Variants in TENM4 observed in about 807,000 individuals in gnomAD.
TENM4 encodes teneurin transmembrane protein 4.
In TENM4, 82 loss-of-function variants were observed where a neutral mutation model predicts 243.3. The ratio of observed to expected loss-of-function variants is 0.34; its 90% confidence interval spans 0.28 to 0.40. The LOEUF (loss-of-function observed/expected upper bound fraction) is 0.40. TENM4 is among the 10% of genes least tolerant of loss of function. TENM4 has a pLI of 1.00. For synonymous variants in TENM4, 1,412 were observed against 1,456.3 expected (o/e 0.97, Z 0.69); for missense variants, 3,138 against 3,673.3 (o/e 0.85, Z 3.77).
chr11:79,165,069 T>C (rs1565231741), intron 3 of TENM4, among the ~76,000 whole-genome samples: 1 of 152,000 alleles, frequency 6.6e-6, no homozygotes, highest in South Asian at 2.1e-4. Context: ...TGGTTTCATA[T>C]TTTTGAAATT....
intron 6 of TENM4, among the ~76,000 whole-genome samples, chr11:79,023,681 A>G (rs558746766): frequency 6.6e-6 from 1 of 152,344 alleles, no homozygotes; most frequent in South Asian, 2.1e-4. Context: ...TTAATGTGGC[A>G]GTAAAAAGCT....
intron 21 of TENM4, among the ~76,000 whole-genome samples, chr11:78,730,536 C>CGG (rs534446434): frequency 4.5e-4 from 68 of 152,204 alleles, no homozygotes; most frequent in Non-Finnish European, 6.5e-4. Context: ...GGCTATGACC[C>CGG]GGGGAACGCT....
At chr11:79,183,569 A>G (rs1045879016) in intron 3 of TENM4, among the ~76,000 whole-genome samples, 3 of 152,220 alleles carry the variant, frequency 2.0e-5, no homozygotes, top group Non-Finnish European at 2.9e-5. Context: ...TGATGTGTCA[A>G]TGTAGGTTCA....
At chr11:79,325,777 T>A (rs1322948752) in intron 1 of TENM4, among the ~76,000 whole-genome samples, 2 of 152,114 alleles carry the variant, frequency 1.3e-5, no homozygotes, top group Non-Finnish European at 2.9e-5. Context: ...ATTCACCAGA[T>A]CTCTATCATG....
At chr11:79,100,694 C>G (rs1249198592) in intron 4 of TENM4, among the ~76,000 whole-genome samples, 1 of 152,152 alleles carries the variant, frequency 6.6e-6, no homozygotes, top group African/African-American at 2.4e-5. Context: ...GCCAGTCCCC[C>G]TCCAGTTTAG....
At chr11:78,705,856 G>A (rs944312574) in intron 27 of TENM4, among the ~76,000 whole-genome samples, 1 of 152,138 alleles carries the variant, frequency 6.6e-6, no homozygotes, top group African/African-American at 2.4e-5. Context: ...TATCTAAAAG[G>A]GGATAACACA....
chr11:78,755,510 G>T (rs1251874019), intron 19 of TENM4, among the ~76,000 whole-genome samples: 1 of 152,106 alleles, frequency 6.6e-6, no homozygotes, highest in African/African-American at 2.4e-5. Flanking sequence ...TCAACTGCTT[G>T]TTCATTGATG....
intron 6 of TENM4, among the ~76,000 whole-genome samples, chr11:79,046,858 C>T (rs773333217): frequency 6.6e-6 from 1 of 152,062 alleles, no homozygotes; most frequent in Admixed American, 6.6e-5. Flanking sequence ...GTGACAGCAC[C>T]CTAGGAAATG....
chr11:79,138,349 AAATATAT>A (rs1402600643), intron 4 of TENM4, among the ~76,000 whole-genome samples: 2 of 124,102 alleles, frequency 1.6e-5, no homozygotes, highest in Non-Finnish European at 3.2e-5. Context: ...TAATATATAA[AAATATAT>A]AATATATAAT....
At chr11:79,216,244 G>A (rs1864049086) in intron 2 of TENM4, among the ~76,000 whole-genome samples, 1 of 152,228 alleles carries the variant, frequency 6.6e-6, no homozygotes, top group Non-Finnish European at 1.5e-5. Context: ...GACAGGGACT[G>A]AAGATCTGCC....
At chr11:78,782,195 G>A (rs1167921186) in intron 16 of TENM4, among the ~76,000 whole-genome samples, 2 of 151,984 alleles carry the variant, frequency 1.3e-5, no homozygotes, top group Non-Finnish European at 2.9e-5. Flanking sequence ...GTGGTGGCTC[G>A]TGCCTGTAGT....
At chr11:79,416,396 T>A (rs1419250747) in intron 1 of TENM4, among the ~76,000 whole-genome samples, 1 of 152,230 alleles carries the variant, frequency 6.6e-6, no homozygotes, top group Non-Finnish European at 1.5e-5. Flanking sequence ...TCAGTCTTTT[T>A]AATTTTAGAC....
intron 3 of TENM4, among the ~76,000 whole-genome samples, chr11:79,168,957 C>A (rs943095488): frequency 1.3e-5 from 2 of 152,338 alleles, no homozygotes; most frequent in Middle Eastern, 3.4e-3. Flanking sequence ...CCCACCCACG[C>A]CATCTCAGTC....
intron 15 of TENM4, among the ~76,000 whole-genome samples, chr11:78,802,288 C>T (rs193116035): frequency 2.6e-5 from 4 of 152,238 alleles, no homozygotes; most frequent in Admixed American, 6.5e-5. Flanking sequence ...CATACCAAAA[C>T]GATGTACTTT....
chr11:79,170,433 C>T (rs1591330483), intron 3 of TENM4, among the ~76,000 whole-genome samples: 1 of 152,110 alleles, frequency 6.6e-6, no homozygotes, highest in East Asian at 1.9e-4. Flanking sequence ...ACCCCTAGTA[C>T]CTTAGAATGT....
At chr11:79,250,843 C>T (rs1210103262) in intron 2 of TENM4, among the ~76,000 whole-genome samples, 2 of 152,174 alleles carry the variant, frequency 1.3e-5, no homozygotes, top group Admixed American at 1.3e-4. Flanking sequence ...TCTGGCTATA[C>T]AATTACTTCA....
intron 1 of TENM4, among the ~76,000 whole-genome samples, chr11:79,360,223 G>C (rs1857567926): frequency 6.6e-6 from 1 of 152,140 alleles, no homozygotes; most frequent in South Asian, 2.1e-4. Context: ...CCAAATCCCA[G>C]TTTCTCATAC....
chr11:78,978,380 G>GAAAAT (rs1204823967), intron 6 of TENM4, among the ~76,000 whole-genome samples: 1 of 151,686 alleles, frequency 6.6e-6, no homozygotes, highest in African/African-American at 2.4e-5. Context: ...GAAAAGAAAA[G>GAAAAT]AAAAGAAAAG....
In TENM4 at chr11:78,990,453, A is replaced by G. The variant is rs966614920; in HGVS notation, c.493+74285T>C. On this transcript the variant is annotated intron_variant, in intron 6 of 33. Transcript: ENST00000278550. The stretch of plus-strand genomic sequence containing the variant: ...TCTCCATGGCAGCGCTGTTTGAAAC[A>G]GGGAAGACAGAAAACCCCGGGGCAC... Among the ~76,000 whole-genome samples, 3 of 152,182 alleles carry G rather than the reference A, an allele frequency of 2.0e-5. No individual in the cohort carries two copies. The East Asian group carries it at 5.8e-4, about 29-fold the overall frequency.
Sources: gnomAD v4.1 joint callset for allele counts (sites outside exome capture counted in the v4.1 genomes callset) on GRCh38, gnomAD v4.1.1 for gene constraint, MANE v1.5 for transcripts, NCBI Gene and HGNC (gene_info 2026-07-23, HGNC 2026-07-21) for gene names.